The following PIK3C2G variants were observed in gnomAD, a reference collection of about 807,000 sequenced individuals.
PIK3C2G encodes phosphatidylinositol 3-kinase C2 domain-containing subunit gamma.
Under a neutral mutation model 181.1 loss-of-function variants are expected in PIK3C2G, and 168 were observed. The observed-to-expected ratio is 0.93, with a 90% CI of 0.82 to 1.05. The LOEUF (loss-of-function observed/expected upper bound fraction) is 1.05. Among genes scored for constraint, PIK3C2G ranks in the 50% least tolerant of loss-of-function variants. The pLI is 0.00. For synonymous variants in PIK3C2G, 573 were observed against 592.2 expected, an observed-to-expected ratio of 0.97 and a Z score of 0.47; for missense variants, 1,869 against 1,732.8, an observed-to-expected ratio of 1.08 and a Z score of -1.40.
chr12:18,371,076 A>C (rs78787243), intron 12 of PIK3C2G, 104 bp from the exon 13 acceptor site: 33,305 of 900,262 alleles, frequency 0.037, 739 homozygotes, highest in East Asian at 0.063. Flanking sequence ...CCTCAATTCA[A>C]ATAGTTAAAT....
the PIK3C2G span, among the ~76,000 whole-genome samples, chr12:18,686,063 A>C: frequency 6.6e-6 from 1 of 151,978 alleles, no homozygotes; most frequent in Non-Finnish European, 1.5e-5. Context: ...TAGCTAAATC[A>C]TCTTAAAATT....
intron 17 of PIK3C2G, 71 bp from the exon 18 acceptor site, chr12:18,423,874 C>T (rs926189724): frequency 1.1e-6 from 1 of 874,008 alleles, no homozygotes; most frequent in Non-Finnish European, 1.9e-6. Flanking sequence ...TTTCTCAAGC[C>T]TCTGAAGTCC....
chr12:18,560,843 A>T (rs1945308860), intron 26 of PIK3C2G, among the ~76,000 whole-genome samples: 2 of 152,318 alleles, frequency 1.3e-5, no homozygotes, highest in South Asian at 4.1e-4. Flanking sequence ...ATGTTTTAGA[A>T]AAACTACTGA....
At chr12:18,447,192 T>C (rs1947076013) in intron 18 of PIK3C2G, among the ~76,000 whole-genome samples, 1 of 152,210 alleles carries the variant, frequency 6.6e-6, no homozygotes, top group Non-Finnish European at 1.5e-5. Context: ...CCACGTGATA[T>C]TATGAACCAC....
chr12:18,432,438 C>A (rs1209700548), intron 18 of PIK3C2G, among the ~76,000 whole-genome samples: 3 of 152,124 alleles, frequency 2.0e-5, no homozygotes, highest in Admixed American at 6.5e-5. Context: ...ATTATAATAA[C>A]CACATCCAAT....
At chr12:18,383,981 A>AT (rs1943004760) in intron 14 of PIK3C2G, among the ~76,000 whole-genome samples, 1 of 135,996 alleles carries the variant, frequency 7.4e-6, no homozygotes, top group Non-Finnish European at 1.6e-5. Flanking sequence ...TTTTATTATT[A>AT]TTATTATTTT....
chr12:18,249,534 A>G (rs1229926007), intron 1 of PIK3C2G, among the ~76,000 whole-genome samples: 1 of 152,112 alleles, frequency 6.6e-6, no homozygotes, highest in Non-Finnish European at 1.5e-5. Flanking sequence ...ATTGAATAGC[A>G]CTTTAAAGCA....
At chr12:18,288,823 T>C (rs1321874888) in intron 3 of PIK3C2G, among the ~76,000 whole-genome samples, 2 of 152,200 alleles carry the variant, frequency 1.3e-5, no homozygotes, top group Non-Finnish European at 1.5e-5. Flanking sequence ...AATTTCTTAT[T>C]CTTGGATGAA....
At chr12:18,345,362 C>A (rs544192719) in intron 10 of PIK3C2G, among the ~76,000 whole-genome samples, 5 of 152,136 alleles carry the variant, frequency 3.3e-5, no homozygotes, top group African/African-American at 1.2e-4. Flanking sequence ...CTTGTCCCCC[C>A]CAGACTGTTT....
intron 11 of PIK3C2G, among the ~76,000 whole-genome samples, chr12:18,355,756 T>C (rs1231657115): frequency 1.3e-5 from 2 of 152,196 alleles, no homozygotes; most frequent in African/African-American, 2.4e-5. Context: ...CCTGTGGCCA[T>C]TGGGGTTTGG....
the PIK3C2G span, among the ~76,000 whole-genome samples, chr12:18,700,512 C>CAAAAAAAAAAAAAAAAAAAA: frequency 1.5e-5 from 1 of 67,896 alleles, no homozygotes. Flanking sequence ...AGCCAACGTA[C>CAAAAAAAAAAAAAAAAAAAA]AAAAAAAAAA....
At chr12:18,592,978 T>C (rs1262209070) in intron 29 of PIK3C2G, among the ~76,000 whole-genome samples, 1 of 151,962 alleles carries the variant, frequency 6.6e-6, no homozygotes, top group Non-Finnish European at 1.5e-5. Context: ...AAAAGTCTGA[T>C]ATAAAGATGT....
chr12:18,717,272 C>A, the PIK3C2G span, among the ~76,000 whole-genome samples: 1 of 151,820 alleles, frequency 6.6e-6, no homozygotes, highest in Non-Finnish European at 1.5e-5. Flanking sequence ...AATGGAAATT[C>A]CTATAATGAA....
At chr12:18,266,802 C>T (rs1447307308) in intron 1 of PIK3C2G, among the ~76,000 whole-genome samples, 12 of 151,840 alleles carry the variant, frequency 7.9e-5, no homozygotes. Flanking sequence ...TTTTCTTCCT[C>T]CTCTCGTCCT....
At chr12:18,273,269 G>T (rs908838852) in intron 1 of PIK3C2G, among the ~76,000 whole-genome samples, 6 of 152,066 alleles carry the variant, frequency 3.9e-5, no homozygotes, top group African/African-American at 1.2e-4. Flanking sequence ...GTTTGTCAAC[G>T]ATCACATAGT....
At chr12:18,718,080 G>C in the PIK3C2G span, among the ~76,000 whole-genome samples, 1,338 of 152,196 alleles carry the variant, frequency 8.8e-3, 23 homozygotes, top group African/African-American at 0.03. Context: ...ATATGATTTA[G>C]CCTCACTGTA....
the PIK3C2G span, among the ~76,000 whole-genome samples, chr12:18,703,043 G>A: frequency 4.6e-5 from 7 of 152,178 alleles, no homozygotes; most frequent in African/African-American, 1.4e-4. Context: ...TGAAAGCTAT[G>A]TACGGGAATG....
Position 18,477,178 on chromosome 12 carries a change from A to C in PIK3C2G, c.2505-11271A>C, listed in dbSNP as rs60990233. 7.0e-3 allele frequency among the ~76,000 whole-genome samples: 1,060 copies of C among 152,190 alleles called. 14 individuals are homozygous for C. Among genetic ancestry groups the C allele is most frequent in the African/African-American group, 0.025 (1,030 of 41,526 alleles). ...AGTCCCCAGTCTTATGACCTCATTT[A>C]ACCTTAATTACCTTCCTAAAGGCCC... On this transcript the variant is annotated intron_variant, in intron 18 of 32. Coordinates refer to ENST00000538779, the MANE Select transcript of PIK3C2G (RefSeq NM_001288772.2).
rs760373625 is a variant in PIK3C2G at position 18,443,939 on chromosome 12, A to G, written c.2504+19900A>G. ...CACAGTTGCCACTTCAACATTCCCA[A>G]TTCATAAAGCATTATATAACTATGC... On this transcript the variant is annotated intron_variant, in intron 18 of 32. Coordinates refer to ENST00000538779, the MANE Select transcript of PIK3C2G (RefSeq NM_001288772.2). 5.8e-4 allele frequency among the ~76,000 whole-genome samples: 88 copies of G among 152,128 alleles called. 1 individual carries two copies. The highest frequency in any genetic ancestry group is 2.6e-4 in the Non-Finnish European group (18 of 68,022).
Sources: gnomAD v4.1 joint callset for allele counts (sites outside exome capture counted in the v4.1 genomes callset) on GRCh38, gnomAD v4.1.1 for gene constraint, MANE v1.5 for transcripts, NCBI Gene and HGNC (gene_info 2026-07-23, HGNC 2026-07-21) for gene names.